CDC73: variants seen among roughly 807,000 people sequenced by gnomAD.
The protein encoded by CDC73 is parafibromin.
In CDC73, 21 loss-of-function variants were observed where a neutral mutation model predicts 83.7. That is an observed-to-expected ratio of 0.25 (90% CI 0.18 to 0.36). The LOEUF (loss-of-function observed/expected upper bound fraction) is 0.36, where lower values mean the gene tolerates loss of function less well. Ranked by LOEUF, CDC73 falls within the 10% of genes least tolerant of loss-of-function variation. The pLI is 1.00. For missense variants in CDC73, 342 were observed against 653.3 expected (o/e 0.52, Z 5.19); for synonymous variants, 224 against 212.9 (o/e 1.05, Z -0.45).
intron 15 of CDC73, among the ~76,000 whole-genome samples, chr1:193,245,336 C>CT (rs895015629): frequency 7.2e-5 from 11 of 151,946 alleles, no homozygotes; most frequent in African/African-American, 1.7e-4. Context: ...ATGAGTTCAA[C>CT]TTTTTTTTAG....
intron 15 of CDC73, among the ~76,000 whole-genome samples, 171 bp from the exon 16 acceptor site, chr1:193,249,559 C>T (rs757071415): frequency 2.6e-5 from 4 of 151,938 alleles, no homozygotes; most frequent in Non-Finnish European, 4.4e-5. Context: ...TTACCTTATT[C>T]CTCATTTTAG....
chr1:193,227,349 A>G (rs1334923287), intron 13 of CDC73, among the ~76,000 whole-genome samples: 1 of 152,054 alleles, frequency 6.6e-6, no homozygotes, highest in Non-Finnish European at 1.5e-5. Context: ...ACTGTTGTCC[A>G]GGTCTGGCGT....
chr1:193,233,961 T>G (rs1677705318), intron 14 of CDC73, among the ~76,000 whole-genome samples: 1 of 151,698 alleles, frequency 6.6e-6, no homozygotes, highest in South Asian at 2.1e-4. Flanking sequence ...CATGGCACAT[T>G]AGATGAATTT....
chr1:193,170,452 C>A (rs1676501276), intron 10 of CDC73, among the ~76,000 whole-genome samples: 1 of 152,070 alleles, frequency 6.6e-6, no homozygotes, highest in African/African-American at 2.4e-5. Context: ...ACTTTGCCAG[C>A]ATCTTGTTTT....
In CDC73 at chr1:193,254,042, A is replaced by G. The variant is rs1489143750; in HGVS notation, c.*3330A>G. 3 of 223,776 alleles carry G rather than the reference A, an allele frequency of 1.3e-5. No homozygotes were observed. The highest frequency in any genetic ancestry group is 2.7e-5 in the Non-Finnish European group (3 of 112,350). The allele number at this position is 223,776 out of a possible 1,614,324, so 13.9% of individuals were successfully genotyped here. On this transcript the variant is annotated 3_prime_UTR_variant, in exon 17 of 17. Coordinates refer to ENST00000367435, the MANE Select transcript of CDC73 (RefSeq NM_024529.5). Reference sequence around the variant, plus strand: ...TTATTTATAAAAGCTAGTCAAATTAATGGCTTAGAAAGTAGCTGTAAACTT... The same window carrying G: ...TTATTTATAAAAGCTAGTCAAATTAGTGGCTTAGAAAGTAGCTGTAAACTT...
At chr1:193,207,987 G>T (rs999041621) in intron 11 of CDC73, among the ~76,000 whole-genome samples, 1 of 152,154 alleles carries the variant, frequency 6.6e-6, no homozygotes, top group Admixed American at 6.5e-5. Context: ...TTAACTGTCT[G>T]TGTAACATTT....
At chr1:193,137,771 CAAAA>C (rs1675826465) in intron 5 of CDC73, among the ~76,000 whole-genome samples, 1 of 152,116 alleles carries the variant, frequency 6.6e-6, no homozygotes, top group Non-Finnish European at 1.5e-5. Context: ...TTAACTTTCT[CAAAA>C]AGATGAATTT....
intron 13 of CDC73, among the ~76,000 whole-genome samples, chr1:193,224,552 GTGAAATATGCATTCACATATACACATATA>G (rs1558316835): frequency 7.0e-6 from 1 of 143,282 alleles, no homozygotes; most frequent in Non-Finnish European, 1.5e-5. Context: ...ATATACACAT[GTGAAATATGCATTCACATATACACATATA>G]TGAAATATGC....
rs1678065707 is a variant in CDC73, at chr1:193,252,809, C to T, written c.*2097C>T. The T allele has an allele frequency of 8.6e-6, 2 of 231,646 alleles. No homozygotes were observed. Among genetic ancestry groups the T allele is most frequent in the Non-Finnish European group, 1.7e-5 (2 of 117,110 alleles). The allele number at this position is 231,646 out of a possible 1,614,324, so 14.3% of individuals were successfully genotyped here. On this transcript the variant is annotated 3_prime_UTR_variant, in exon 17 of 17. Transcript: ENST00000367435. Reference sequence around the variant, plus strand: ...TCTCCCATGACATGGTCCTATATAGCAGTACTTAACACAGTGCCTTGCACA... The same window carrying T: ...TCTCCCATGACATGGTCCTATATAGTAGTACTTAACACAGTGCCTTGCACA...
intron 10 of CDC73, among the ~76,000 whole-genome samples, chr1:193,164,797 A>G (rs1388492620): frequency 1.3e-5 from 2 of 152,178 alleles, no homozygotes; most frequent in Non-Finnish European, 2.9e-5. Flanking sequence ...TTAGATGTAT[A>G]GATTACTGAG....
intron 11 of CDC73, among the ~76,000 whole-genome samples, chr1:193,206,778 C>T (rs1027108686): frequency 6.6e-6 from 1 of 152,148 alleles, no homozygotes; most frequent in African/African-American, 2.4e-5. Flanking sequence ...GTTTTTTGAG[C>T]ATTCACAAAT....
intron 7 of CDC73, among the ~76,000 whole-genome samples, chr1:193,147,408 C>T (rs1415522370): frequency 1.3e-5 from 2 of 148,626 alleles, no homozygotes; most frequent in African/African-American, 2.5e-5. Context: ...CGTTCTATTG[C>T]CCAGGCTGGA....
intron 10 of CDC73, among the ~76,000 whole-genome samples, chr1:193,165,047 G>A (rs1413830369): frequency 1.3e-5 from 2 of 152,168 alleles, no homozygotes; most frequent in African/African-American, 4.8e-5. Context: ...TTCCTGCTGG[G>A]TTTTGGAAAT....
At chr1:193,135,040 ATGTG>A (rs980861142) in intron 3 of CDC73, among the ~76,000 whole-genome samples, 2 of 73,444 alleles carry the variant, frequency 2.7e-5, no homozygotes, top group African/African-American at 5.7e-5. Flanking sequence ...GTCCATATAT[ATGTG>A]TGTGTATGTG....
intron 10 of CDC73, among the ~76,000 whole-genome samples, chr1:193,192,220 A>G (rs972179048): frequency 2.0e-5 from 3 of 152,162 alleles, no homozygotes; most frequent in African/African-American, 7.2e-5. Context: ...AGATGAGCGA[A>G]TCACCTGAGA....
chr1:193,231,892 A>G (rs1558319350), intron 13 of CDC73, among the ~76,000 whole-genome samples: 1 of 152,134 alleles, frequency 6.6e-6, no homozygotes, highest in South Asian at 2.1e-4. Context: ...GATACTCTCA[A>G]TATATTGATT....
chr1:193,244,600 A>G (rs1247396162), intron 15 of CDC73, among the ~76,000 whole-genome samples: 1 of 152,138 alleles, frequency 6.6e-6, no homozygotes, highest in African/African-American at 2.4e-5. Flanking sequence ...GTTTTTTAAC[A>G]TTTTTTAAAA....
intron 1 of CDC73, among the ~76,000 whole-genome samples, chr1:193,124,888 A>C (rs745948516): frequency 2.6e-5 from 4 of 152,180 alleles, no homozygotes; most frequent in Non-Finnish European, 4.4e-5. Flanking sequence ...AGTACCTTAG[A>C]GTATGAATTT....
At chr1:193,221,960 A>G (rs1030188828) in intron 13 of CDC73, among the ~76,000 whole-genome samples, 8 of 152,154 alleles carry the variant, frequency 5.3e-5, no homozygotes, top group Non-Finnish European at 8.8e-5. Context: ...TCCAACTTGC[A>G]AATAGCATAG....
Sources: allele counts gnomAD v4.1 joint callset (sites outside exome capture counted in the v4.1 genomes callset), GRCh38; gene constraint gnomAD v4.1.1; transcripts MANE v1.5; gene names NCBI Gene and HGNC (gene_info 2026-07-23, HGNC 2026-07-21).